The following SLITRK3 variants were observed in gnomAD, a reference collection of about 807,000 sequenced individuals.
SLITRK3 encodes SLIT and NTRK like family member 3, also known as SLIT and NTRK-like protein 3.
A neutral mutation model predicts 63.6 loss-of-function variants in SLITRK3; 16 were observed. The observed-to-expected ratio is 0.25, with a 90% CI of 0.17 to 0.38. The LOEUF (loss-of-function observed/expected upper bound fraction) is 0.38, where lower values mean the gene tolerates loss of function less well. SLITRK3 is among the 10% of genes least tolerant of loss of function. SLITRK3 has a pLI of 1.00. For synonymous variants in SLITRK3, 547 were observed against 451.6 expected (o/e 1.21, Z -2.68); for missense variants, 1,117 against 1,181.4 (o/e 0.95, Z 0.80).
At chr3:165,194,680 G>A (rs1024210889) in intron 1 of SLITRK3, among the ~76,000 whole-genome samples, 3 of 151,962 alleles carry the variant, frequency 2.0e-5, no homozygotes, top group Non-Finnish European at 2.9e-5. Context: ...ACTATTTATC[G>A]GGTGTTATCG....
chr3:165,191,259 A>C (rs1344711563), intron 1 of SLITRK3, among the ~76,000 whole-genome samples: 1 of 152,250 alleles, frequency 6.6e-6, no homozygotes, highest in African/African-American at 2.4e-5. Context: ...AAAGATACTC[A>C]TAATAAATCT....
chr3:165,188,227 C>T lies in SLITRK3; in HGVS notation c.2604G>A (p.Gly868=). ...CTCCCCCAGGAGGAAACAGCACCACCCCACCATTTTTCTCATGGTGGCGGA... is the reference window on the plus strand; with the variant it reads ...CTCCCCCAGGAGGAAACAGCACCACTCCACCATTTTTCTCATGGTGGCGGA... ...AGFRHHEKNG[G]VVLFPPGGGC... is the part of the protein sequence containing the mutation. Residue 868 remains glycine, a synonymous_variant, in exon 2 of 2, where the codon GGG becomes GGA. Transcript: ENST00000475390. The T allele has an allele frequency of 6.2e-7, 1 of 1,613,534 alleles. No homozygotes were observed. The highest frequency in any genetic ancestry group is 1.1e-5 in the South Asian group (1 of 90,988).
chr3:165,193,313 T>A (rs977737922), intron 1 of SLITRK3, among the ~76,000 whole-genome samples: 1 of 149,694 alleles, frequency 6.7e-6, no homozygotes, highest in African/African-American at 2.5e-5. Flanking sequence ...TTCTTTCTTT[T>A]TTTTTAAACT....
In SLITRK3 at chr3:165,188,673, C is replaced by A. The variant is rs748687866; in HGVS notation, c.2158G>T (p.Gly720Trp). 1 of 1,614,060 alleles carries A rather than the reference C, an allele frequency of 6.2e-7. No individual in the cohort carries two copies. The highest frequency in any genetic ancestry group is 8.5e-7 in the Non-Finnish European group (1 of 1,179,994). The change falls in exon 2 of 2, where the codon GGG becomes TGG. Residue 720 changes from glycine (G) to tryptophan (W), a missense_variant. Coordinates refer to ENST00000475390, the MANE Select transcript of SLITRK3 (RefSeq NM_001318810.2). Reference sequence around the variant, plus strand: ...GAAAGAGTTGGTCGACCACCACCCCCACTTCCGCCACCACCACCTCCACCA... The same window carrying A: ...GAAAGAGTTGGTCGACCACCACCCCAACTTCCGCCACCACCACCTCCACCA... ...EDGGGGGGGS[G>W]GGGRPTLSSP...
At chr3:165,195,331 A>G (rs1718378938) in intron 1 of SLITRK3, among the ~76,000 whole-genome samples, 1 of 152,054 alleles carries the variant, frequency 6.6e-6, no homozygotes, top group Admixed American at 6.6e-5. Flanking sequence ...CACCTGGCCT[A>G]TTTGTTGGAG....
Position 165,189,357 on chromosome 3 carries a change from T to C in SLITRK3, c.1474A>G (p.Ile492Val). The C allele has an allele frequency of 1.9e-6, 3 of 1,614,192 alleles. No homozygotes were observed. The highest frequency in any genetic ancestry group is 2.5e-6 in the Non-Finnish European group (3 of 1,180,034). Reference sequence around the variant, plus strand: ...AAGGCTGCAGGCTGGATTTCCCGGATGACATTGAACTCAAAGTACAAGTAG... The same window carrying C: ...AAGGCTGCAGGCTGGATTTCCCGGACGACATTGAACTCAAAGTACAAGTAG... ...LHYLYFEFNVIREIQPAAFSL... is the reference protein window; with the variant it reads ...LHYLYFEFNVVREIQPAAFSL... The change falls in exon 2 of 2, where the codon ATC becomes GTC. Residue 492 changes from isoleucine (I) to valine (V), a missense_variant. Ile to Val is a conservative substitution (Grantham distance 29). Transcript: ENST00000475390. The surrounding 1 kb of genome is among the most constrained non-coding windows in gnomAD (Gnocchi z 4.0).
At position 165,188,783 on chromosome 3, in the gene SLITRK3, C is replaced by A. The variant is rs756131997; in HGVS notation, c.2048G>T (p.Arg683Leu). 4 of 1,614,182 alleles carry A rather than the reference C, an allele frequency of 2.5e-6. No homozygotes were observed. The highest frequency in any genetic ancestry group is 3.4e-6 in the Non-Finnish European group (4 of 1,180,042). The change falls in exon 2 of 2, where the codon CGA becomes CTA. Residue 683 changes from arginine (R) to leucine (L), a missense_variant. Physicochemically the swap from Arg to Leu is moderately radical, Grantham distance 102. Coordinates refer to ENST00000475390, the MANE Select transcript of SLITRK3 (RefSeq NM_001318810.2). Reference sequence around the variant, plus strand: ...CTTGCTTCTGAAGGGCAGCTTCTTTCGACGCCTTCGGAGCACGTAGGCAAA... The same window carrying A: ...CTTGCTTCTGAAGGGCAGCTTCTTTAGACGCCTTCGGAGCACGTAGGCAAA... ...GLFAYVLRRR[R>L]KKLPFRSKRQ...
rs1185452478 is a variant in SLITRK3, at chr3:165,195,967, G to C, written c.-409C>G. 1 of 152,640 alleles carries C rather than the reference G, an allele frequency of 6.6e-6. No individual in the cohort carries two copies. Among genetic ancestry groups the C allele is most frequent in the Admixed American group, 6.5e-5 (1 of 15,282 alleles). The allele number at this position is 152,640 out of a possible 1,614,324, so 9.5% of individuals were successfully genotyped here. A position where few individuals can be genotyped will look rare whatever the true frequency, so the allele number is the denominator to read the frequency against. ...GTGCTCTGGATCAGTGGAGAGCTTC[G>C]TTGTTCCCGAGAGCCTGAGCTCAGT... is the stretch of plus-strand genomic sequence containing the variant. On this transcript the variant is annotated 5_prime_UTR_variant, in exon 1 of 2. Transcript: ENST00000475390.
At position 165,190,078 on chromosome 3, in the gene SLITRK3, A is replaced by C. The variant is rs764020852; in HGVS notation, c.753T>G (p.Pro251=). 6.2e-7 allele frequency: 1 copy of C among 1,614,168 alleles called. No individual in the cohort carries two copies. Among genetic ancestry groups the C allele is most frequent in the South Asian group, 1.1e-5 (1 of 91,078 alleles). ...VQLKSWLERI[P]YTALVGDITC... is the part of the protein sequence containing the mutation. ...TAATGTCTCCCACCAGGGCAGTATA[A>C]GGAATGCGTTCCAGCCAACTCTTCA... The change falls in exon 2 of 2, where the codon CCT becomes CCG. Residue 251 remains proline, a synonymous_variant. Coordinates refer to ENST00000475390, the MANE Select transcript of SLITRK3 (RefSeq NM_001318810.2).
rs1030670404 is a variant in SLITRK3 at position 165,189,850 on chromosome 3, C to T, written c.981G>A (p.Lys327=). 16 of 1,613,996 alleles carry T rather than the reference C, an allele frequency of 9.9e-6. 1 individual carries two copies. The East Asian group carries it at 3.3e-4, about 34-fold the overall frequency. The change falls in exon 2 of 2, where the codon AAG becomes AAA. Residue 327 remains lysine (K), a synonymous_variant. Transcript: ENST00000475390. This position sits in a 1 kb window ranked among gnomAD's most constrained non-coding sequence, Gnocchi z 4.0. ...VHFTASSVEY[K]SSNKQPKPTK... is the part of the protein sequence containing the mutation. ...TGGGCTTAGGCTGTTTATTTGAGGA[C>T]TTGTATTCGACAGAAGAAGCAGTAA...
upstream of SLITRK3, chr3:165,196,899 C>CTCTCTCTCTCTG (rs1560057572): frequency 1.3e-4 from 16 of 119,418 alleles, no homozygotes; most frequent in African/African-American, 6.3e-4. Context: ...CTCTCTCTGT[C>CTCTCTCTCTCTG]TCTCTCTCTC....
rs964642608 is a variant in SLITRK3, at chr3:165,189,240, G to T, written c.1591C>A (p.Arg531=). Residue 531 remains arginine (R), a synonymous_variant, in exon 2 of 2, where the codon CGG becomes AGG. Transcript: ENST00000475390. The surrounding 1 kb of genome is among the most constrained non-coding windows in gnomAD (Gnocchi z 4.0). Reference sequence around the variant, plus strand: ...AAGTAGTTCTTCCTCAGGTTGAGCCGGGCCAGGGATGTGCCAGCAAAGGCG... The same window carrying T: ...AAGTAGTTCTTCCTCAGGTTGAGCCTGGCCAGGGATGTGCCAGCAAAGGCG... ...TDAFAGTSLA[R]LNLRKNYFLY... is the part of the protein sequence containing the mutation. 6.2e-7 allele frequency: 1 copy of T among 1,614,174 alleles called. No homozygotes were observed. The highest frequency in any genetic ancestry group is 1.7e-5 in the Admixed American group (1 of 60,022).
Position 165,187,849 on chromosome 3 carries a change from C to T in SLITRK3, c.*48G>A. ...GCAAGGGATATATTTCTTTTATTTT[C>T]CTTTTCTTTTGAAAAAAAAAAAGCA... is the stretch of plus-strand genomic sequence containing the variant. On this transcript the variant is annotated 3_prime_UTR_variant, in exon 2 of 2. Transcript: ENST00000475390. The T allele has an allele frequency of 1.4e-6, 2 of 1,437,676 alleles. No individual in the cohort carries two copies. Among genetic ancestry groups the T allele is most frequent in the Non-Finnish European group, 1.9e-6 (2 of 1,057,342 alleles). The allele number at this position is 1,437,676 out of a possible 1,614,324, so 89.1% of individuals were successfully genotyped here. A position where few individuals can be genotyped will look rare whatever the true frequency, so the allele number is the denominator to read the frequency against.
intron 1 of SLITRK3, among the ~76,000 whole-genome samples, chr3:165,192,080 T>C (rs1447820562): frequency 2.0e-5 from 3 of 152,212 alleles, no homozygotes; most frequent in African/African-American, 7.2e-5. Context: ...ATAGCTGATT[T>C]TAATCAACAA....
chr3:165,187,858 T>C lies in SLITRK3; in HGVS notation c.*39A>G, dbSNP rs1480298303. ...ATATTTCTTTTATTTTCCTTTTCTT[T>C]TGAAAAAAAAAAAGCACTAATATAT... is the stretch of plus-strand genomic sequence containing the variant. On this transcript the variant is annotated 3_prime_UTR_variant, in exon 2 of 2. Coordinates refer to ENST00000475390, the MANE Select transcript of SLITRK3 (RefSeq NM_001318810.2). 2 of 1,493,666 alleles carry C rather than the reference T, an allele frequency of 1.3e-6. No homozygotes were observed. The highest frequency in any genetic ancestry group is 9.0e-7 in the Non-Finnish European group (1 of 1,105,734). The allele number at this position is 1,493,666 out of a possible 1,614,324, so 92.5% of individuals were successfully genotyped here. A position where few individuals can be genotyped will look rare whatever the true frequency, so the allele number is the denominator to read the frequency against.
rs760394409 is a variant in SLITRK3, at chr3:165,189,319, G to A, written c.1512C>T (p.Pro504=). 2 of 1,614,050 alleles carry A rather than the reference G, an allele frequency of 1.2e-6. No individual in the cohort carries two copies. Among genetic ancestry groups the A allele is most frequent in the East Asian group, 2.2e-5 (1 of 44,890 alleles). The change falls in exon 2 of 2, where the codon CCC becomes CCT. Residue 504 remains proline (P), a synonymous_variant. Coordinates refer to ENST00000475390, the MANE Select transcript of SLITRK3 (RefSeq NM_001318810.2). This position sits in a 1 kb window ranked among gnomAD's most constrained non-coding sequence, Gnocchi z 4.0. Reference sequence around the variant, plus strand: ...TATTGAGGAATAGCAGCTTCAAGTTGGGCATGAGGCTGAAGGCTGCAGGCT... The same window carrying A: ...TATTGAGGAATAGCAGCTTCAAGTTAGGCATGAGGCTGAAGGCTGCAGGCT... ...EIQPAAFSLM[P]NLKLLFLNNN...
Position 165,189,328 on chromosome 3 carries a change from G to A in SLITRK3, c.1503C>T (p.Ser501=), listed in dbSNP as rs762261781. The A allele has an allele frequency of 6.2e-7, 1 of 1,614,198 alleles. No homozygotes were observed. The highest frequency in any genetic ancestry group is 1.7e-5 in the Admixed American group (1 of 60,028). ...ATAGCAGCTTCAAGTTGGGCATGAG[G>A]CTGAAGGCTGCAGGCTGGATTTCCC... The part of the protein sequence containing the change: ...VIREIQPAAF[S]LMPNLKLLFL... The change falls in exon 2 of 2, where the codon AGC becomes AGT. Residue 501 remains serine, a synonymous_variant. Coordinates refer to ENST00000475390, the MANE Select transcript of SLITRK3 (RefSeq NM_001318810.2). The surrounding 1 kb of genome is among the most constrained non-coding windows in gnomAD (Gnocchi z 4.0).
In SLITRK3 at chr3:165,187,869, A is replaced by G; in HGVS notation, c.*28T>C. 1 of 1,526,796 alleles carries G rather than the reference A, an allele frequency of 6.5e-7. No individual in the cohort carries two copies. Among genetic ancestry groups the G allele is most frequent in the Non-Finnish European group, 8.8e-7 (1 of 1,132,996 alleles). 94.6% of individuals were successfully genotyped at this position (1,526,796 alleles called of 1,614,324 possible). On this transcript the variant is annotated 3_prime_UTR_variant, in exon 2 of 2. Coordinates refer to ENST00000475390, the MANE Select transcript of SLITRK3 (RefSeq NM_001318810.2). ...ATTTTCCTTTTCTTTTGAAAAAAAA[A>G]AAGCACTAATATATTTTCTTCTCTC...
rs188339465 is a variant in SLITRK3 at position 165,190,322 on chromosome 3, C to T, written c.509G>A (p.Arg170Gln). The T allele has an allele frequency of 3.3e-5, 53 of 1,614,120 alleles. No individual in the cohort carries two copies. Among genetic ancestry groups the T allele is most frequent in the African/African-American group, 2.5e-4 (19 of 75,020 alleles). ...CAGAACCCTCAATTTACTTAGGTTCCGAAATGCCCCACTCTCAATACGTTT... is the reference window on the plus strand; with the variant it reads ...CAGAACCCTCAATTTACTTAGGTTCTGAAATGCCCCACTCTCAATACGTTT... ...VIKRIESGAFRNLSKLRVLIL... is the reference protein window; with the variant it reads ...VIKRIESGAFQNLSKLRVLIL... The change falls in exon 2 of 2, where the codon CGG (arginine) becomes CAG (glutamine). Residue 170 changes from arginine (R) to glutamine (Q), a missense_variant. By Grantham distance (43) the Arg-to-Gln change is conservative (BLOSUM62 1). Transcript: ENST00000475390.
Sources: allele counts gnomAD v4.1 joint callset (sites outside exome capture counted in the v4.1 genomes callset), GRCh38; gene constraint gnomAD v4.1.1; non-coding constraint Gnocchi (gnomAD v3.1); transcripts MANE v1.5; gene names NCBI Gene and HGNC (gene_info 2026-07-23, HGNC 2026-07-21).